SERPINE2: variants seen among roughly 807,000 people sequenced by gnomAD.
SERPINE2 encodes the protein glia-derived nexin.
SERPINE2 carries 14 observed loss-of-function variants against 36.3 expected under a neutral mutation model. The ratio of observed to expected loss-of-function variants is 0.39; its 90% confidence interval spans 0.25 to 0.60. The LOEUF (loss-of-function observed/expected upper bound fraction) is 0.60, where lower values mean the gene tolerates loss of function less well. Ranked by LOEUF, SERPINE2 falls within the 20% of genes least tolerant of loss-of-function variation. SERPINE2 has a pLI of 0.57. For missense variants in SERPINE2, 418 were observed against 499.6 expected (o/e 0.84, Z 1.56); for synonymous variants, 192 against 191.8 (o/e 1.00, Z -0.01).
intron 1 of SERPINE2, among the ~76,000 whole-genome samples, chr2:224,012,230 A>G (rs181442311): frequency 2.0e-5 from 3 of 152,052 alleles, no homozygotes; most frequent in Non-Finnish European, 4.4e-5. Context: ...CTAATGAATC[A>G]CTTGCACTTT....
At chr2:223,990,640 C>T (rs1574818503) in intron 4 of SERPINE2, among the ~76,000 whole-genome samples, 1 of 151,844 alleles carries the variant, frequency 6.6e-6, no homozygotes, top group Non-Finnish European at 1.5e-5. Flanking sequence ...TTCATTGAAA[C>T]ACTAACACGG....
rs1490534255 is a variant in SERPINE2 at position 224,005,066 on chromosome 2, TATATATATATA to T, written c.-22-3155_-22-3145del. 2.2e-4 allele frequency among the ~76,000 whole-genome samples: 19 copies of T among 86,462 alleles called. 1 individual carries two copies. Among genetic ancestry groups the T allele is most frequent in the East Asian group, 9.7e-4 (3 of 3,084 alleles). 56.7% of individuals were successfully genotyped at this position (86,462 alleles called of 152,430 possible). ...TATATTTTATATATTTTATATATAT[TATATATATATA>T]TATATATATATATATATATAAAACA... On this transcript the variant is annotated intron_variant, in intron 1 of 8. Transcript: ENST00000409304.
intron 1 of SERPINE2, among the ~76,000 whole-genome samples, chr2:224,009,840 T>C (rs1333724390): frequency 1.3e-5 from 2 of 152,202 alleles, no homozygotes; most frequent in African/African-American, 4.8e-5. Flanking sequence ...TCAACGGTGT[T>C]TGGCAAGAGG....
intron 4 of SERPINE2, among the ~76,000 whole-genome samples, 174 bp downstream of exon 4, chr2:223,991,629 C>T (rs1690675662): frequency 2.6e-5 from 4 of 152,198 alleles, no homozygotes; most frequent in Non-Finnish European, 5.9e-5. Flanking sequence ...AACTTTTGTA[C>T]ATAACACAGA....
At chr2:224,027,939 T>C (rs1349022748) in intron 1 of SERPINE2, among the ~76,000 whole-genome samples, 1 of 152,146 alleles carries the variant, frequency 6.6e-6, no homozygotes, top group African/African-American at 2.4e-5. Context: ...TAAGAACAAG[T>C]CTTGTGGACT....
intron 1 of SERPINE2, among the ~76,000 whole-genome samples, chr2:224,003,156 A>G (rs1262507335): frequency 1.3e-5 from 2 of 152,134 alleles, no homozygotes; most frequent in African/African-American, 4.8e-5. Context: ...ATGGGTAAAC[A>G]GTACGCTGGG....
intron 1 of SERPINE2, among the ~76,000 whole-genome samples, chr2:224,026,586 G>A (rs993614357): frequency 3.3e-5 from 5 of 151,954 alleles, no homozygotes; most frequent in Admixed American, 6.6e-5. Flanking sequence ...CCTACTAGAC[G>A]GCAACTCCCT....
In SERPINE2 at chr2:224,003,354, C is replaced by A. The variant is rs115597060; in HGVS notation, c.-22-1432G>T. ...ATTTCACTCCAAGGGTTACAAGAAACCCCTGGAGGATTTCAAACAAGGGAG... is the reference window on the plus strand; with the variant it reads ...ATTTCACTCCAAGGGTTACAAGAAAACCCTGGAGGATTTCAAACAAGGGAG... On this transcript the variant is annotated intron_variant, in intron 1 of 8. Transcript: ENST00000409304. Among the ~76,000 whole-genome samples, 911 of 152,326 alleles carry A rather than the reference C, an allele frequency of 6.0e-3. 5 individuals carry two copies. The highest frequency in any genetic ancestry group is 9.0e-3 in the Non-Finnish European group (611 of 68,034).
intron 1 of SERPINE2, chr2:224,030,368 A>G: frequency 3.4e-6 from 1 of 292,468 alleles, no homozygotes; most frequent in Non-Finnish European, 5.1e-6. Context: ...AGAAGTGCTC[A>G]CCTGTACTTC....
chr2:223,991,085 A>G (rs1043609582), intron 4 of SERPINE2, among the ~76,000 whole-genome samples: 1 of 152,256 alleles, frequency 6.6e-6, no homozygotes, highest in African/African-American at 2.4e-5. Context: ...AATATAAAGA[A>G]AAGAATTTTA....
chr2:224,011,312 G>C (rs1018174295), intron 1 of SERPINE2, among the ~76,000 whole-genome samples: 2 of 152,180 alleles, frequency 1.3e-5, no homozygotes, highest in Non-Finnish European at 2.9e-5. Flanking sequence ...TCTTCAGCAA[G>C]AGACATGGAA....
At chr2:223,995,146 A>G (rs1690830772) in intron 3 of SERPINE2, among the ~76,000 whole-genome samples, 1 of 152,162 alleles carries the variant, frequency 6.6e-6, no homozygotes, top group Non-Finnish European at 1.5e-5. Flanking sequence ...GCTGGAACAT[A>G]GAGTACAAGG....
Position 224,021,136 on chromosome 2 carries a change from A to G in SERPINE2, c.-23+17963T>C, listed in dbSNP as rs1222746191. Among the ~76,000 whole-genome samples the G allele has an allele frequency of 2.6e-5, 4 of 152,246 alleles. No individual in the cohort carries two copies. In the East Asian group the frequency reaches 7.7e-4, roughly 29 times the overall value. On this transcript the variant is annotated intron_variant, in intron 1 of 8. Transcript: ENST00000409304. ...CAGGAGTCAAACCTGATGTGGTCTC[A>G]TAAGTGCTCATAGCTGTTGCCCTGG...
At chr2:224,013,076 T>C (rs1051938994) in intron 1 of SERPINE2, among the ~76,000 whole-genome samples, 1 of 152,182 alleles carries the variant, frequency 6.6e-6, no homozygotes. Context: ...AATCTACATA[T>C]TAGATATTTA....
chr2:224,000,866 C>G (rs1157172822), intron 2 of SERPINE2, among the ~76,000 whole-genome samples: 1 of 152,130 alleles, frequency 6.6e-6, no homozygotes, highest in African/African-American at 2.4e-5. Context: ...TGAACTCACT[C>G]TTTTTTATGG....
At chr2:224,000,443 C>G (rs1444695764) in intron 2 of SERPINE2, among the ~76,000 whole-genome samples, 1 of 152,152 alleles carries the variant, frequency 6.6e-6, no homozygotes, top group Non-Finnish European at 1.5e-5. Context: ...TTTTCTTTAA[C>G]TCAAACTAAA....
At position 223,989,936 on chromosome 2, in the gene SERPINE2, C is replaced by A. The variant is rs1407689923; in HGVS notation, c.685+1867G>T. On this transcript the variant is annotated intron_variant, in intron 4 of 8. Coordinates refer to ENST00000409304, the MANE Select transcript of SERPINE2 (RefSeq NM_001136528.2). ...ATACAGAGAAACATGATGGACAGTA[C>A]CCTGGACAAGAAACGGTGGGCACCA... Among the ~76,000 whole-genome samples the A allele has an allele frequency of 2.0e-5, 3 of 152,198 alleles. No homozygotes were observed. The East Asian group carries it at 5.8e-4, about 29-fold the overall frequency.
intron 1 of SERPINE2, among the ~76,000 whole-genome samples, chr2:224,017,626 C>G (rs773868729): frequency 2.0e-5 from 3 of 152,210 alleles, no homozygotes; most frequent in Non-Finnish European, 4.4e-5. Flanking sequence ...AATGTCACCT[C>G]CACTGCCAAT....
intron 3 of SERPINE2, among the ~76,000 whole-genome samples, chr2:223,996,617 A>G (rs1690898912): frequency 6.6e-6 from 1 of 152,218 alleles, no homozygotes; most frequent in Non-Finnish European, 1.5e-5. Flanking sequence ...ATTCCAATGC[A>G]GTGGGCTGGG....
Sources: gnomAD v4.1 joint callset for allele counts (sites outside exome capture counted in the v4.1 genomes callset) on GRCh38, gnomAD v4.1.1 for gene constraint, MANE v1.5 for transcripts, NCBI Gene and HGNC (gene_info 2026-07-23, HGNC 2026-07-21) for gene names.